Variants in CUBN observed in about 807,000 individuals in gnomAD.
The protein encoded by CUBN is 460 kDa receptor.
Under a neutral mutation model 405.3 loss-of-function variants are expected in CUBN, and 282 were observed. That is an observed-to-expected ratio of 0.70 (90% CI 0.63 to 0.77). The LOEUF (loss-of-function observed/expected upper bound fraction) is 0.77. Among genes scored for constraint, CUBN ranks in the 30% least tolerant of loss-of-function variants. The probability of loss-of-function intolerance (pLI) is 0.00; values close to 1 mark genes in which losing one functional copy is unlikely to be tolerated. For synonymous variants in CUBN, 1,684 were observed against 1,617.0 expected, an observed-to-expected ratio of 1.04 and a Z score of -0.99; for missense variants, 4,514 against 4,475.2, an observed-to-expected ratio of 1.01 and a Z score of -0.25.
chr10:16,852,008 G>C (rs866558902), intron 59 of CUBN, among the ~76,000 whole-genome samples: 233 of 16,930 alleles, frequency 0.014, no homozygotes, highest in Non-Finnish European at 0.016. Flanking sequence ...CTCTATCTTT[G>C]CCTCCCTCAC....
chr10:17,126,770 G>C lies in CUBN; in HGVS notation c.378C>G (p.Gly126=). ...GTAGCATGAGACCTACCTGCTGCAA[G>C]CCTTGGAATTTTCTCTCAAGATCCA... ...KLVDLERKFQ[G]LQQTVDKKVC... The change falls in exon 4 of 67, where the codon GGC becomes GGG. Residue 126 remains glycine (G), a synonymous_variant. Coordinates refer to ENST00000377833, the MANE Select transcript of CUBN (RefSeq NM_001081.4). 6.2e-7 allele frequency: 1 copy of C among 1,614,160 alleles called. No homozygotes were observed. The highest frequency in any genetic ancestry group is 2.2e-5 in the East Asian group (1 of 44,874).
chr10:17,127,449 T>C (rs1837225991), intron 3 of CUBN, among the ~76,000 whole-genome samples: 1 of 146,738 alleles, frequency 6.8e-6, no homozygotes, highest in African/African-American at 2.5e-5. Context: ...TTTTTTTTTT[T>C]TTTTTGGTAG....
intron 60 of CUBN, among the ~76,000 whole-genome samples, chr10:16,842,618 A>G (rs1015368032): frequency 6.6e-6 from 1 of 152,168 alleles, no homozygotes; most frequent in Non-Finnish European, 1.5e-5. Context: ...GTTCCCACTG[A>G]AACATCTTCT....
Position 17,114,046 on chromosome 10 carries a change from G to A in CUBN, c.864C>T (p.Tyr288=). 1.2e-6 allele frequency: 2 copies of A among 1,612,992 alleles called. No individual in the cohort carries two copies. The highest frequency in any genetic ancestry group is 2.2e-5 in the East Asian group (1 of 44,834). Residue 288 remains tyrosine, a synonymous_variant, in exon 8 of 67, where the codon TAC becomes TAT. Transcript: ENST00000377833. Reference sequence around the variant, plus strand: ...ATGTACCTGTTGGACAGGCCCCACAGTAGAAAGAGCCTTGAGTGTTGAAAC... The same window carrying A: ...ATGTACCTGTTGGACAGGCCCCACAATAGAAAGAGCCTTGAGTGTTGAAAC... ...VQCFNTQGSF[Y]CGACPTGWQG...
At chr10:16,980,665 G>A (rs1363438190) in intron 31 of CUBN, among the ~76,000 whole-genome samples, 1 of 152,048 alleles carries the variant, frequency 6.6e-6, no homozygotes, top group Non-Finnish European at 1.5e-5. Context: ...CACAGGGAGG[G>A]GAACATCACA....
chr10:16,920,686 GC>G (rs1842009053), intron 43 of CUBN, among the ~76,000 whole-genome samples: 1 of 152,094 alleles, frequency 6.6e-6, no homozygotes, highest in Non-Finnish European at 1.5e-5. Context: ...GGATAAAGGA[GC>G]TTTTTAATAT....
chr10:17,000,590 C>T (rs1833850379), intron 28 of CUBN, among the ~76,000 whole-genome samples: 1 of 152,230 alleles, frequency 6.6e-6, no homozygotes, highest in Non-Finnish European at 1.5e-5. Context: ...AAATTACCTA[C>T]TATAAGCTCT....
In CUBN at chr10:16,904,131, T is replaced by C. The variant is rs371721970; in HGVS notation, c.7913-16A>G. 2.5e-6 allele frequency: 4 copies of C among 1,612,412 alleles called. No individual in the cohort carries two copies. The highest frequency in any genetic ancestry group is 2.2e-5 in the South Asian group (2 of 91,058). On this transcript the variant is annotated splice_polypyrimidine_tract_variant and intron_variant, in intron 50 of 66. Transcript: ENST00000377833. ...TCAGCATCACCTGAACAAAATAATA[T>C]ACCAAGTGCCATCATTGATACAGCT...
rs944503829 is a variant in CUBN, at chr10:16,928,216, A to T, written c.6212T>A (p.Ile2071Asn). ...PIRSTGEYMF[I>N]RFTSDSSVTR... ...TACACTGGAGTCCGAGGTGAAGCGGATGAACATGTACTCTCCAGTAGACCG... is the reference window on the plus strand; with the variant it reads ...TACACTGGAGTCCGAGGTGAAGCGGTTGAACATGTACTCTCCAGTAGACCG... The change falls in exon 41 of 67, where the codon ATC (isoleucine) becomes AAC (asparagine). Residue 2071 changes from isoleucine (I) to asparagine (N), a missense_variant. Physicochemically the swap from Ile to Asn is moderately radical, Grantham distance 149. This residue lies in a region of CUBN where 1,613 missense variants were observed against 1,542.8 expected (regional missense o/e 1.05). Transcript: ENST00000377833. 1.2e-6 allele frequency: 2 copies of T among 1,613,948 alleles called. No homozygotes were observed. The highest frequency in any genetic ancestry group is 1.7e-6 in the Non-Finnish European group (2 of 1,179,952).
intron 28 of CUBN, among the ~76,000 whole-genome samples, chr10:17,007,308 G>C (rs1834053452): frequency 6.6e-6 from 1 of 152,024 alleles, no homozygotes; most frequent in African/African-American, 2.4e-5. Context: ...TTTATTTCCA[G>C]GGTGGGGCCC....
At chr10:16,884,105 G>C (rs548010968) in intron 56 of CUBN, among the ~76,000 whole-genome samples, 1 of 152,060 alleles carries the variant, frequency 6.6e-6, no homozygotes, top group Admixed American at 6.6e-5. Flanking sequence ...TCAGCTTCCC[G>C]AGTAGCTGGG....
chr10:16,981,250 A>C (rs1402711388), intron 31 of CUBN, among the ~76,000 whole-genome samples: 2 of 151,732 alleles, frequency 1.3e-5, no homozygotes, highest in Non-Finnish European at 2.9e-5. Flanking sequence ...GGAGCTGGAC[A>C]TCGGAGACTA....
chr10:16,842,225 T>G (rs1227694367), intron 60 of CUBN, among the ~76,000 whole-genome samples: 1 of 151,950 alleles, frequency 6.6e-6, no homozygotes, highest in Non-Finnish European at 1.5e-5. Context: ...AAAAAAATTT[T>G]TAGAGATGGG....
intron 14 of CUBN, among the ~76,000 whole-genome samples, chr10:17,092,361 C>G (rs1836282609): frequency 6.6e-6 from 1 of 152,068 alleles, no homozygotes; most frequent in Non-Finnish European, 1.5e-5. Flanking sequence ...GGTAATAAAC[C>G]ATAGGCATTC....
chr10:17,001,098 C>A (rs879221601), intron 28 of CUBN, among the ~76,000 whole-genome samples: 1 of 152,058 alleles, frequency 6.6e-6, no homozygotes, highest in African/African-American at 2.4e-5. Flanking sequence ...TGTTACAGCT[C>A]TTAAAGGTGG....
At chr10:16,913,651 G>T (rs1429532491) in intron 48 of CUBN, among the ~76,000 whole-genome samples, 160 bp downstream of exon 48, 1 of 152,162 alleles carries the variant, frequency 6.6e-6, no homozygotes, top group African/African-American at 2.4e-5. Flanking sequence ...TATTTTGACA[G>T]GTTACTGTGA....
rs112073942 is a variant in CUBN, at chr10:16,859,625, C to T, written c.9455-8182G>A. On this transcript the variant is annotated intron_variant, in intron 59 of 66. Transcript: ENST00000377833. ...CCAAATTAGAACTCTATACTCAGAGCAAGAATCCCACAGAATTTAAGAAAA... is the reference window on the plus strand; with the variant it reads ...CCAAATTAGAACTCTATACTCAGAGTAAGAATCCCACAGAATTTAAGAAAA... Among the ~76,000 whole-genome samples the T allele has an allele frequency of 7.6e-3, 1,155 of 152,148 alleles. 18 individuals are homozygous for T. Among genetic ancestry groups the T allele is most frequent in the African/African-American group, 0.026 (1,076 of 41,524 alleles).
chr10:16,924,906 A>G (rs566364357), intron 43 of CUBN, among the ~76,000 whole-genome samples: 159 of 152,078 alleles, frequency 1.0e-3, no homozygotes, highest in African/African-American at 3.6e-3. Flanking sequence ...TTAACTTACA[A>G]TTAGACATCT....
intron 14 of CUBN, among the ~76,000 whole-genome samples, chr10:17,097,185 C>T (rs1588639793): frequency 6.6e-6 from 1 of 152,074 alleles, no homozygotes; most frequent in South Asian, 2.1e-4. Flanking sequence ...GTAAAACTAA[C>T]AAATCCTTGG....
Sources: gnomAD v4.1 joint callset for allele counts (sites outside exome capture counted in the v4.1 genomes callset) on GRCh38, gnomAD v4.1.1 for gene constraint, gnomAD v4.1.1 regional missense constraint, MANE v1.5 for transcripts, NCBI Gene and HGNC (gene_info 2026-07-23, HGNC 2026-07-21) for gene names.